RARB: variants seen among roughly 807,000 people sequenced by gnomAD.
The protein encoded by RARB is HBV-activated protein.
In RARB, 17 loss-of-function variants were observed where a neutral mutation model predicts 51.9. The observed-to-expected ratio is 0.33, with a 90% confidence interval of 0.22 to 0.49. RARB has a LOEUF of 0.49. Among genes scored for constraint, RARB ranks in the 20% least tolerant of loss-of-function variants. The pLI is 0.99. For missense variants in RARB, 369 were observed against 550.8 expected (o/e 0.67, Z 3.30); for synonymous variants, 215 against 195.4 (o/e 1.10, Z -0.84).
chr3:25,542,925 G>A (rs1699445363), intron 3 of RARB, among the ~76,000 whole-genome samples: 1 of 152,200 alleles, frequency 6.6e-6, no homozygotes, highest in Non-Finnish European at 1.5e-5. Flanking sequence ...CATAGTTAGT[G>A]GTGGTGGTGG....
intron 4 of RARB, among the ~76,000 whole-genome samples, chr3:25,572,219 C>T (rs114476237): frequency 2.3e-3 from 346 of 152,142 alleles, no homozygotes; most frequent in African/African-American, 8.0e-3. Flanking sequence ...AAAAGCCTGG[C>T]GGAGTCTTGA....
At chr3:25,255,943 T>C (rs1200103550) in intron 5 of RARB, among the ~76,000 whole-genome samples, 3 of 152,164 alleles carry the variant, frequency 2.0e-5, no homozygotes, top group Non-Finnish European at 4.4e-5. Context: ...TTACTGATTT[T>C]TCAGTGAGAT....
intron 5 of RARB, among the ~76,000 whole-genome samples, chr3:25,189,808 C>T (rs1283971143): frequency 1.3e-5 from 2 of 152,158 alleles, no homozygotes; most frequent in Admixed American, 6.5e-5. Context: ...TTGGTTGAAC[C>T]CGGGAAGTAG....
chr3:24,956,231 G>C (rs570274911), intron 2 of RARB, among the ~76,000 whole-genome samples: 191 of 152,292 alleles, frequency 1.3e-3, no homozygotes, highest in Non-Finnish European at 2.5e-3. Context: ...ACTCTGAGGA[G>C]GATGAGAGAA....
At chr3:25,001,697 GATAA>G (rs1441970275) in intron 2 of RARB, among the ~76,000 whole-genome samples, 2 of 152,162 alleles carry the variant, frequency 1.3e-5, no homozygotes, top group Non-Finnish European at 2.9e-5. Context: ...GCGAAATGTT[GATAA>G]ATATTGTTCC....
chr3:25,427,631 T>C (rs1464700062), upstream of RARB, among the ~76,000 whole-genome samples: 1 of 152,144 alleles, frequency 6.6e-6, no homozygotes, highest in Admixed American at 6.5e-5. Flanking sequence ...AGTAAATGAA[T>C]CTCGAAAGCT....
At chr3:24,934,246 C>T (rs1232988115) in intron 2 of RARB, among the ~76,000 whole-genome samples, 1 of 152,042 alleles carries the variant, frequency 6.6e-6, no homozygotes, top group Admixed American at 6.6e-5. Context: ...ATTCAAATGC[C>T]ATGCTTTTCC....
In RARB at chr3:25,396,374, C is replaced by T. The variant is rs555227442; in HGVS notation, c.179-64819C>T. Among the ~76,000 whole-genome samples the T allele has an allele frequency of 3.7e-4, 56 of 152,328 alleles. 1 individual carries two copies. The South Asian group carries it at 5.8e-3, about 16-fold the overall frequency. On this transcript the variant is annotated intron_variant, in intron 5 of 11. Transcript: ENST00000383772. ...CGTGGAGTTGTCATGTGGACAGACTCAGGTTAGCCAGGATGTTACAGGCAG... is the reference window on the plus strand; with the variant it reads ...CGTGGAGTTGTCATGTGGACAGACTTAGGTTAGCCAGGATGTTACAGGCAG...
rs186777088 is a variant in RARB, at chr3:25,151,762, G to A, written c.-280+19554G>A. Among the ~76,000 whole-genome samples, 104 of 152,254 alleles carry A rather than the reference G, an allele frequency of 6.8e-4. 1 individual carries two copies. The highest frequency in any genetic ancestry group is 3.3e-3 in the East Asian group (17 of 5,172). ...GGATGTCCTTTTGCTCCCTGAACAC[G>A]TCTCAAAGGAATGTTTGTTATTAGA... is the stretch of plus-strand genomic sequence containing the variant. On this transcript the variant is annotated intron_variant, in intron 4 of 11. Transcript: ENST00000383772.
At chr3:24,864,548 A>C (rs1702814059) in intron 2 of RARB, among the ~76,000 whole-genome samples, 1 of 151,900 alleles carries the variant, frequency 6.6e-6, no homozygotes, top group African/African-American at 2.4e-5. Context: ...TTCAACTCAG[A>C]CTCACTCTCT....
At chr3:25,561,841 A>T (rs1700281519) in intron 3 of RARB, among the ~76,000 whole-genome samples, 1 of 152,234 alleles carries the variant, frequency 6.6e-6, no homozygotes, top group African/African-American at 2.4e-5. Flanking sequence ...ACTTGTTATA[A>T]AGAATATACA....
At chr3:25,150,244 G>C (rs1360431935) in intron 4 of RARB, among the ~76,000 whole-genome samples, 1 of 152,016 alleles carries the variant, frequency 6.6e-6, no homozygotes, top group African/African-American at 2.4e-5. Flanking sequence ...GATACGCATA[G>C]CATGATGAAA....
chr3:25,156,810 G>A (rs547976300), intron 4 of RARB, among the ~76,000 whole-genome samples: 4 of 152,292 alleles, frequency 2.6e-5, no homozygotes, highest in African/African-American at 9.6e-5. Flanking sequence ...AACAGGCTGA[G>A]TCTTAGCTAG....
At chr3:25,311,028 T>A (rs905144481) in intron 5 of RARB, among the ~76,000 whole-genome samples, 1 of 152,210 alleles carries the variant, frequency 6.6e-6, no homozygotes. Context: ...GCCACTTAGG[T>A]ACCAGAACAC....
intron 5 of RARB, among the ~76,000 whole-genome samples, chr3:25,223,817 A>T (rs896255683): frequency 4.6e-5 from 7 of 152,232 alleles, no homozygotes; most frequent in African/African-American, 1.7e-4. Flanking sequence ...ATCTATTTTT[A>T]GCACTATCAC....
chr3:24,976,650 C>G (rs1244687842), intron 2 of RARB, among the ~76,000 whole-genome samples: 1 of 151,996 alleles, frequency 6.6e-6, no homozygotes, highest in Non-Finnish European at 1.5e-5. Context: ...TTTGTAGATT[C>G]TGCATATTAG....
intron 5 of RARB, among the ~76,000 whole-genome samples, chr3:25,340,430 T>C (rs535976610): frequency 6.6e-6 from 1 of 152,148 alleles, no homozygotes; most frequent in Non-Finnish European, 1.5e-5. Flanking sequence ...TGTTCACAAG[T>C]GATGAGCCAC....
intron 3 of RARB, among the ~76,000 whole-genome samples, chr3:25,512,143 A>C (rs58312942): frequency 0.043 from 6,533 of 152,214 alleles, 266 homozygotes; most frequent in East Asian, 0.12. Context: ...GGGGCTAAAA[A>C]CAGTACTTAG....
intron 3 of RARB, among the ~76,000 whole-genome samples, chr3:25,071,235 C>G (rs968259485): frequency 1.3e-5 from 2 of 152,138 alleles, no homozygotes; most frequent in Non-Finnish European, 2.9e-5. Context: ...TGAATGTCAG[C>G]AATTAGCAGG....
Sources: gnomAD v4.1 joint callset for allele counts (sites outside exome capture counted in the v4.1 genomes callset) on GRCh38, gnomAD v4.1.1 for gene constraint, MANE v1.5 for transcripts, NCBI Gene and HGNC (gene_info 2026-07-23, HGNC 2026-07-21) for gene names.